The following SYT16 variants were observed in gnomAD, a reference collection of about 807,000 sequenced individuals.
The protein encoded by SYT16 is synaptotagmin-16.
A neutral mutation model predicts 61.4 loss-of-function variants in SYT16; 42 were observed. That is an observed-to-expected ratio of 0.68 (90% confidence interval 0.53 to 0.89). The LOEUF (loss-of-function observed/expected upper bound fraction) is 0.89. SYT16 is among the 40% of genes least tolerant of loss of function. The probability of loss-of-function intolerance (pLI) is 0.00; values close to 1 mark genes in which losing one functional copy is unlikely to be tolerated. For missense variants in SYT16, 804 were observed against 807.3 expected, an observed-to-expected ratio of 1.00 and a Z score of 0.05; for synonymous variants, 314 against 302.3, an observed-to-expected ratio of 1.04 and a Z score of -0.40.
Position 61,827,140 on chromosome 14 carries a change from G to A in SYT16, c.-325+14330G>A, listed in dbSNP as rs147637387. Reference sequence around the variant, plus strand: ...TAATTCAATCCATGACACTTAGGAAGGGAATAGTCCTCTGGCTTCATTGTT... The same window carrying A: ...TAATTCAATCCATGACACTTAGGAAAGGAATAGTCCTCTGGCTTCATTGTT... On this transcript the variant is annotated intron_variant, in intron 1 of 7. Transcript: ENST00000683842. Among the ~76,000 whole-genome samples the A allele has an allele frequency of 5.3e-3, 803 of 152,338 alleles. 21 individuals are homozygous for A. Among genetic ancestry groups the A allele is most frequent in the Admixed American group, 0.035 (534 of 15,302 alleles).
chr14:62,083,840 C>T (rs370738855), intron 6 of SYT16, among the ~76,000 whole-genome samples: 1 of 151,990 alleles, frequency 6.6e-6, no homozygotes, highest in Non-Finnish European at 1.5e-5. Flanking sequence ...TTAGAAACAT[C>T]CAAGCACAGA....
intron 1 of SYT16, among the ~76,000 whole-genome samples, chr14:61,843,268 T>A (rs1042369181): frequency 2.0e-5 from 3 of 152,228 alleles, no homozygotes; most frequent in African/African-American, 7.2e-5. Context: ...TGAAAGCCAT[T>A]TTAACTGGAA....
intron 4 of SYT16, among the ~76,000 whole-genome samples, chr14:62,070,938 G>C (rs1255968358): frequency 6.6e-6 from 1 of 152,110 alleles, no homozygotes; most frequent in Non-Finnish European, 1.5e-5. Context: ...TTTGATTTCA[G>C]GATGAGCACA....
intron 1 of SYT16, among the ~76,000 whole-genome samples, chr14:61,848,371 T>C (rs2046505963): frequency 6.6e-6 from 1 of 152,128 alleles, no homozygotes; most frequent in South Asian, 2.1e-4. Context: ...ATAATCTGGA[T>C]TACCAGGCAG....
At chr14:61,956,162 A>G (rs1206500000) in intron 1 of SYT16, among the ~76,000 whole-genome samples, 2 of 151,742 alleles carry the variant, frequency 1.3e-5, no homozygotes, top group Non-Finnish European at 3.0e-5. Flanking sequence ...TATGTTTGCT[A>G]TTTAGTTTTA....
chr14:62,017,487 C>G (rs893115486), intron 3 of SYT16, among the ~76,000 whole-genome samples: 3 of 152,298 alleles, frequency 2.0e-5, no homozygotes, highest in African/African-American at 7.2e-5. Flanking sequence ...TTTCTGACCT[C>G]CTCTCAAAAT....
intron 1 of SYT16, among the ~76,000 whole-genome samples, chr14:61,849,407 C>T (rs547717493): frequency 2.6e-5 from 4 of 152,220 alleles, no homozygotes; most frequent in East Asian, 1.9e-4. Flanking sequence ...GAGTTGCAGT[C>T]GTTGTGGCAT....
chr14:62,001,294 G>T (rs546047174), intron 3 of SYT16, among the ~76,000 whole-genome samples: 2 of 151,744 alleles, frequency 1.3e-5, no homozygotes, highest in Admixed American at 1.3e-4. Context: ...CTGTATATAT[G>T]CTGCTAAAGA....
chr14:61,951,851 G>A (rs2050684309), intron 1 of SYT16, among the ~76,000 whole-genome samples: 1 of 152,040 alleles, frequency 6.6e-6, no homozygotes, highest in Non-Finnish European at 1.5e-5. Context: ...GGGCAGTGGT[G>A]TGATCACTGC....
chr14:61,832,027 C>T (rs1337437520), intron 1 of SYT16: 2 of 688,100 alleles, frequency 2.9e-6, no homozygotes, highest in African/African-American at 1.8e-5. Context: ...ATAATGAACG[C>T]CGTGAAGCCA....
At chr14:62,007,001 T>G (rs558675040) in intron 3 of SYT16, among the ~76,000 whole-genome samples, 24 of 152,308 alleles carry the variant, frequency 1.6e-4, no homozygotes, top group African/African-American at 5.5e-4. Flanking sequence ...ATTTGACTTT[T>G]CAACCAGATT....
chr14:61,837,059 G>C (rs182589849), intron 1 of SYT16, among the ~76,000 whole-genome samples: 1 of 152,194 alleles, frequency 6.6e-6, no homozygotes, highest in African/African-American at 2.4e-5. Context: ...CATTTGATGA[G>C]TTTGACATTG....
intron 7 of SYT16, among the ~76,000 whole-genome samples, chr14:62,087,096 C>T (rs1317630542): frequency 6.6e-6 from 1 of 152,204 alleles, no homozygotes; most frequent in Non-Finnish European, 1.5e-5. Context: ...TTCATTATGG[C>T]ACTCACACTA....
At chr14:62,016,539 CA>C (rs10610233) in intron 3 of SYT16, among the ~76,000 whole-genome samples, 19,624 of 96,680 alleles carry the variant, frequency 0.2, 1,300 homozygotes, top group South Asian at 0.25. Flanking sequence ...TCTAAAAATA[CA>C]AAAAAAAAAA....
At chr14:62,034,222 G>A (rs1244784207) in intron 3 of SYT16, among the ~76,000 whole-genome samples, 3 of 152,172 alleles carry the variant, frequency 2.0e-5, no homozygotes, top group Admixed American at 2.0e-4. Context: ...TGAGGATGTG[G>A]AAAAATTGGA....
chr14:61,989,475 A>G (rs1187603185), intron 2 of SYT16, among the ~76,000 whole-genome samples: 1 of 152,194 alleles, frequency 6.6e-6, no homozygotes, highest in Non-Finnish European at 1.5e-5. Context: ...AGGCAGGAGA[A>G]TCGCTCGAAC....
intron 1 of SYT16, among the ~76,000 whole-genome samples, chr14:61,860,922 C>T (rs940775557): frequency 2.0e-4 from 31 of 152,066 alleles, no homozygotes; most frequent in African/African-American, 7.0e-4. Flanking sequence ...GTGAGGTGTA[C>T]GGAGACTGAC....
intron 4 of SYT16, among the ~76,000 whole-genome samples, chr14:62,071,165 A>C (rs535667435): frequency 6.6e-6 from 1 of 152,296 alleles, no homozygotes; most frequent in South Asian, 2.1e-4. Flanking sequence ...TCATTTGCCC[A>C]CACCCCCTCT....
chr14:62,081,341 A>G (rs778276957), intron 6 of SYT16, 67 bp downstream of exon 6: 107 of 1,483,208 alleles, frequency 7.2e-5, no homozygotes, highest in Middle Eastern at 1.8e-4. Context: ...TCAGCCCTTG[A>G]TTTAGTACGT....
Sources: allele counts gnomAD v4.1 joint callset (sites outside exome capture counted in the v4.1 genomes callset), GRCh38; gene constraint gnomAD v4.1.1; transcripts MANE v1.5; gene names NCBI Gene and HGNC (gene_info 2026-07-23, HGNC 2026-07-21).